Variants in COX20 observed in about 807,000 individuals in gnomAD.
The protein encoded by COX20 is cytochrome c oxidase assembly protein COX20, mitochondrial.
A neutral mutation model predicts 14.3 loss-of-function variants in COX20; 14 were observed. The observed-to-expected ratio is 0.98, with a 90% CI of 0.65 to 1.53. The LOEUF (loss-of-function observed/expected upper bound fraction) is 1.53. Among genes scored for constraint, COX20 ranks in the 40% most tolerant of loss-of-function variants. The pLI is 0.00. For synonymous variants in COX20, 56 were observed against 51.7 expected (o/e 1.08, Z -0.36); for missense variants, 149 against 142.1 (o/e 1.05, Z -0.25).
chr1:244,836,960 G>T (rs2102969329), intron 1 of COX20, among the ~76,000 whole-genome samples: 1 of 139,132 alleles, frequency 7.2e-6, no homozygotes, highest in East Asian at 2.0e-4. Flanking sequence ...TAAGCTTAGT[G>T]TTTAAAAAAA....
At chr1:244,837,573 C>A (rs1680033065) in intron 1 of COX20, among the ~76,000 whole-genome samples, 1 of 152,172 alleles carries the variant, frequency 6.6e-6, no homozygotes, top group Non-Finnish European at 1.5e-5. Flanking sequence ...CAGGTAAATT[C>A]ACATTCAGGT....
At chr1:244,835,800 G>C (rs759221372) in intron 1 of COX20, 44 bp downstream of exon 1, 447 of 1,233,568 alleles carry the variant, frequency 3.6e-4, no homozygotes, top group Non-Finnish European at 4.5e-4. Context: ...GTGGGCGGTG[G>C]GTAAGGACGT....
chr1:244,841,812 G>A, intron 1 of COX20, 132 bp from the exon 2 acceptor site: 1 of 605,300 alleles, frequency 1.7e-6, no homozygotes, highest in Non-Finnish European at 3.0e-6. Flanking sequence ...GCTGATTTAG[G>A]TTGTCACGTG....
intron 1 of COX20, chr1:244,839,805 G>C (rs144683171): frequency 6.6e-6 from 1 of 152,162 alleles, no homozygotes; most frequent in Non-Finnish European, 1.5e-5. Flanking sequence ...TAATGATGTG[G>C]TTTGGCACAA....
intron 1 of COX20, among the ~76,000 whole-genome samples, chr1:244,837,392 G>T (rs1294946350): frequency 6.6e-6 from 1 of 152,102 alleles, no homozygotes; most frequent in Non-Finnish European, 1.5e-5. Flanking sequence ...ATTTGTCAGT[G>T]ATCATTCCAG....
chr1:244,841,852 CAAGAA>C (rs1398958741), intron 1 of COX20, 87 bp from the exon 2 acceptor site: 18 of 742,876 alleles, frequency 2.4e-5, no homozygotes, highest in Non-Finnish European at 1.8e-5. Flanking sequence ...CCCTCAACTA[CAAGAA>C]AAGAAATGGT....
rs1157041485 is a variant in COX20 at position 244,844,305 on chromosome 1, T to C, written c.*1129T>C. 1.3e-5 allele frequency: 2 copies of C among 152,138 alleles called. No individual in the cohort carries two copies. The highest frequency in any genetic ancestry group is 6.5e-5 in the Admixed American group (1 of 15,274). 9.4% of individuals were successfully genotyped at this position (152,138 alleles called of 1,614,324 possible). A position where few individuals can be genotyped will look rare whatever the true frequency, so the allele number is the denominator to read the frequency against. ...TAGGAAGGATGCAGAGGCTGTGTGG[T>C]TTACCAAATGCCTTAACTTAGCAGT... On this transcript the variant is annotated 3_prime_UTR_variant, in exon 4 of 4. Transcript: ENST00000411948.
At position 244,843,319 on chromosome 1, in the gene COX20, C is replaced by A; in HGVS notation, c.*143C>A. On this transcript the variant is annotated 3_prime_UTR_variant, in exon 4 of 4. Transcript: ENST00000411948. ...CACACTTGTGTGGAATGAAAACTTGCCAGTTTATTCTGGCCCTGTGTCTAC... is the reference window on the plus strand; with the variant it reads ...CACACTTGTGTGGAATGAAAACTTGACAGTTTATTCTGGCCCTGTGTCTAC... 1.1e-6 allele frequency: 1 copy of A among 914,918 alleles called. No individual in the cohort carries two copies. The highest frequency in any genetic ancestry group is 1.6e-6 in the Non-Finnish European group (1 of 611,388). 56.7% of individuals were successfully genotyped at this position (914,918 alleles called of 1,614,324 possible).
upstream of COX20, chr1:244,835,617 C>T (rs961473012): frequency 1.8e-4 from 165 of 930,244 alleles, no homozygotes; most frequent in African/African-American, 2.1e-4. Flanking sequence ...CGGGAGGCGG[C>T]GGCGCGTGGG....
chr1:244,838,224 T>C (rs2102970680), intron 1 of COX20, among the ~76,000 whole-genome samples: 1 of 152,214 alleles, frequency 6.6e-6, no homozygotes, highest in African/African-American at 2.4e-5. Context: ...ATTGGTTGAG[T>C]AGTGTGCCAT....
intron 1 of COX20, chr1:244,836,554 G>A (rs1679992983): frequency 6.5e-7 from 1 of 1,534,922 alleles, no homozygotes; most frequent in Non-Finnish European, 8.8e-7. Context: ...CTTTTCCTGG[G>A]CTCCTTATTA....
In COX20 at chr1:244,844,402, C is replaced by G. The variant is rs1680342279; in HGVS notation, c.*1226C>G. The G allele has an allele frequency of 6.6e-6, 1 of 152,180 alleles. No individual in the cohort carries two copies. Among genetic ancestry groups the G allele is most frequent in the African/African-American group, 2.4e-5 (1 of 41,442 alleles). 9.4% of individuals were successfully genotyped at this position (152,180 alleles called of 1,614,324 possible). ...CACAAAAAGGAAGACAGTTTGCCCA[C>G]TCTTAGTGGCACAAATCAAAGCTGC... On this transcript the variant is annotated 3_prime_UTR_variant, in exon 4 of 4. Transcript: ENST00000411948.
rs751479035 is a variant in COX20 at position 244,843,133 on chromosome 1, A to C, written c.314A>C (p.His105Pro). 8 of 1,597,906 alleles carry C rather than the reference A, an allele frequency of 5.0e-6. No individual in the cohort carries two copies. The highest frequency in any genetic ancestry group is 6.8e-6 in the Non-Finnish European group (8 of 1,175,624). ...AAGAAGATATTATATGAAGGTACCC[A>C]CCTCGATCCTGAAAGAAAACACAAC... ...IKKKILYEGT[H>P]LDPERKHNGS... Residue 105 changes from histidine to proline, a missense_variant, in exon 4 of 4, where the codon CAC (histidine) becomes CCC (proline). Transcript: ENST00000411948.
chr1:244,844,293 G>A lies in COX20; in HGVS notation c.*1117G>A, dbSNP rs1326459423. The A allele has an allele frequency of 2.0e-5, 3 of 152,240 alleles. No individual in the cohort carries two copies. The highest frequency in any genetic ancestry group is 6.5e-5 in the Admixed American group (1 of 15,284). 9.4% of individuals were successfully genotyped at this position (152,240 alleles called of 1,614,324 possible). On this transcript the variant is annotated 3_prime_UTR_variant, in exon 4 of 4. Transcript: ENST00000411948. Reference sequence around the variant, plus strand: ...TGTGGCTGTCGCTAGGAAGGATGCAGAGGCTGTGTGGTTTACCAAATGCCT... The same window carrying A: ...TGTGGCTGTCGCTAGGAAGGATGCAAAGGCTGTGTGGTTTACCAAATGCCT...
In COX20 at chr1:244,843,957, T is replaced by C. The variant is rs890565664; in HGVS notation, c.*781T>C. 2.0e-5 allele frequency: 3 copies of C among 152,234 alleles called. No individual in the cohort carries two copies. Among genetic ancestry groups the C allele is most frequent in the Non-Finnish European group, 4.4e-5 (3 of 68,050 alleles). 9.4% of individuals were successfully genotyped at this position (152,234 alleles called of 1,614,324 possible). ...AGGATTTATTCTCCGGGAGAAATTA[T>C]CCCTTTCTAGGAAAATGAAGTTATT... On this transcript the variant is annotated 3_prime_UTR_variant, in exon 4 of 4. Coordinates refer to ENST00000411948, the MANE Select transcript of COX20 (RefSeq NM_198076.6).
chr1:244,839,349 T>G (rs182826270), intron 1 of COX20, among the ~76,000 whole-genome samples: 1 of 152,282 alleles, frequency 6.6e-6, no homozygotes, highest in Non-Finnish European at 1.5e-5. Context: ...CATTCTGGCT[T>G]GGAAATCTCT....
chr1:244,835,535 C>T (rs946416888), upstream of COX20: 2 of 406,318 alleles, frequency 4.9e-6, no homozygotes, highest in Non-Finnish European at 8.5e-6. Context: ...GACATGACAG[C>T]CCGGCCCCGT....
chr1:244,839,939 A>T (rs1042132996), intron 1 of COX20: 1 of 152,186 alleles, frequency 6.6e-6, no homozygotes, highest in African/African-American at 2.4e-5. Context: ...CTAGAGAATT[A>T]AAAAACATGT....
At position 244,842,272 on chromosome 1, in the gene COX20, G is replaced by T; in HGVS notation, c.221+14G>T. 6.4e-7 allele frequency: 1 copy of T among 1,563,678 alleles called. No homozygotes were observed. The highest frequency in any genetic ancestry group is 8.8e-7 in the Non-Finnish European group (1 of 1,134,104). ...TTTGGGATGCTGGTATGTTTGCTAAGTATTCAAGAACATCCATGATTATAG... is the reference window on the plus strand; with the variant it reads ...TTTGGGATGCTGGTATGTTTGCTAATTATTCAAGAACATCCATGATTATAG... On this transcript the variant is annotated intron_variant, in intron 3 of 3. Coordinates refer to ENST00000411948, the MANE Select transcript of COX20 (RefSeq NM_198076.6).
Sources: allele counts gnomAD v4.1 joint callset (sites outside exome capture counted in the v4.1 genomes callset), GRCh38; gene constraint gnomAD v4.1.1; transcripts MANE v1.5; gene names NCBI Gene and HGNC (gene_info 2026-07-23, HGNC 2026-07-21).